PSD2: variants seen among roughly 807,000 people sequenced by gnomAD.
The protein encoded by PSD2 is pleckstrin and Sec7 domain containing 2.
Under a neutral mutation model 69.8 loss-of-function variants are expected in PSD2, and 38 were observed. The observed-to-expected ratio is 0.54, with a 90% confidence interval of 0.42 to 0.71. The LOEUF is 0.71. Ranked by LOEUF, PSD2 falls within the 30% of genes least tolerant of loss-of-function variation. The pLI is 0.00. For missense variants in PSD2, 943 were observed against 1,014.5 expected (o/e 0.93, Z 0.96); for synonymous variants, 412 against 423.0 (o/e 0.97, Z 0.32).
At chr5:139,811,135 C>T (rs1176622390) in intron 2 of PSD2, among the ~76,000 whole-genome samples, 1 of 152,200 alleles carries the variant, frequency 6.6e-6, no homozygotes. Flanking sequence ...CTTTCCTCTC[C>T]TTTCCTTCCA....
At chr5:139,755,674 C>T in the PSD2 span, among the ~76,000 whole-genome samples, 6 of 150,078 alleles carry the variant, frequency 4.0e-5, no homozygotes, top group Non-Finnish European at 7.4e-5. Flanking sequence ...TGTGCGCGCG[C>T]ATGAGGCTCC....
At chr5:139,792,059 A>G (rs1457203840), upstream of PSD2, among the ~76,000 whole-genome samples, 1 of 149,458 alleles carries the variant, frequency 6.7e-6, no homozygotes, top group African/African-American at 2.5e-5. Context: ...GAAATGGTTG[A>G]GGGGGAATGA....
the PSD2 span, among the ~76,000 whole-genome samples, chr5:139,746,892 G>A: frequency 6.6e-6 from 1 of 152,204 alleles, no homozygotes; most frequent in Non-Finnish European, 1.5e-5. This position sits in a 1 kb window ranked among gnomAD's most constrained non-coding sequence, Gnocchi z 4.5. Flanking sequence ...GTGCAGGAGT[G>A]AGGGTAGCCC....
the PSD2 span, among the ~76,000 whole-genome samples, chr5:139,763,319 T>C: frequency 6.6e-6 from 1 of 152,136 alleles, no homozygotes; most frequent in East Asian, 1.9e-4. Context: ...TTCACGTCAC[T>C]CTGAAGCATG....
intron 14 of PSD2, among the ~76,000 whole-genome samples, 189 bp from the exon 15 acceptor site, chr5:139,842,082 A>AT: frequency 6.6e-6 from 1 of 151,944 alleles, no homozygotes; most frequent in Non-Finnish European, 1.5e-5. Context: ...AATTATTTGG[A>AT]TTTTTCAAAT....
intron 7 of PSD2, among the ~76,000 whole-genome samples, chr5:139,829,096 G>C (rs56052927): frequency 0.02 from 3,090 of 152,244 alleles, 70 homozygotes; most frequent in African/African-American, 0.057. Flanking sequence ...TGATCTGGGT[G>C]CATGTCTTTT....
chr5:139,771,665 A>G, the PSD2 span, among the ~76,000 whole-genome samples: 1 of 152,092 alleles, frequency 6.6e-6, no homozygotes, highest in Non-Finnish European at 1.5e-5. Context: ...GTCTTGAGCC[A>G]CCGCGCCCCG....
the PSD2 span, among the ~76,000 whole-genome samples, chr5:139,751,386 C>T: frequency 6.6e-6 from 1 of 152,158 alleles, no homozygotes; most frequent in Non-Finnish European, 1.5e-5. Context: ...GCCCTAGGGG[C>T]ACAGCAGCCT....
the PSD2 span, among the ~76,000 whole-genome samples, chr5:139,784,881 A>G: frequency 6.6e-6 from 1 of 151,920 alleles, no homozygotes; most frequent in African/African-American, 2.4e-5. Flanking sequence ...CAGCCTCCTG[A>G]GTAGCTGGGA....
At chr5:139,752,473 C>T in the PSD2 span, among the ~76,000 whole-genome samples, 4 of 152,142 alleles carry the variant, frequency 2.6e-5, no homozygotes, top group Non-Finnish European at 5.9e-5. Flanking sequence ...TGCACATGGG[C>T]ACGAGGACAG....
the PSD2 span, among the ~76,000 whole-genome samples, chr5:139,764,401 C>T: frequency 2.0e-5 from 3 of 152,294 alleles, no homozygotes; most frequent in South Asian, 2.1e-4. Flanking sequence ...CATCCGTGTG[C>T]CCCTGGGAGT....
At chr5:139,781,612 GGTGT>G in the PSD2 span, among the ~76,000 whole-genome samples, 3 of 150,900 alleles carry the variant, frequency 2.0e-5, no homozygotes, top group Non-Finnish European at 4.4e-5. Context: ...TGGGATTACA[GGTGT>G]GAGCCACGGC....
At chr5:139,796,005 G>T (rs1225119416) in intron 1 of PSD2, 30 bp downstream of exon 1, 1 of 150,684 alleles carries the variant, frequency 6.6e-6, no homozygotes, top group Non-Finnish European at 1.5e-5. Flanking sequence ...TCCGGGACCC[G>T]CCCCTCCCCG....
At chr5:139,796,393 C>T (rs185158230) in intron 1 of PSD2, among the ~76,000 whole-genome samples, 2,445 of 152,286 alleles carry the variant, frequency 0.016, 74 homozygotes, top group African/African-American at 0.055. Flanking sequence ...GGGATCGGGG[C>T]ATTGGGTACC....
At chr5:139,761,668 G>A in the PSD2 span, among the ~76,000 whole-genome samples, 1 of 152,166 alleles carries the variant, frequency 6.6e-6, no homozygotes, top group Non-Finnish European at 1.5e-5. Flanking sequence ...TGCTTTCCAT[G>A]ACCCTTGCTT....
chr5:139,832,276 C>T (rs1760615414), intron 7 of PSD2, among the ~76,000 whole-genome samples: 1 of 152,238 alleles, frequency 6.6e-6, no homozygotes, highest in African/African-American at 2.4e-5. Flanking sequence ...AATGTACACA[C>T]ACAGCTATAT....
chr5:139,828,074 A>G (rs780466632), intron 7 of PSD2, among the ~76,000 whole-genome samples: 7 of 152,138 alleles, frequency 4.6e-5, no homozygotes, highest in Non-Finnish European at 1.0e-4. Context: ...CGGGTCAGCA[A>G]ATGAGCCTGG....
chr5:139,827,819 TG>T (rs1760466438), intron 7 of PSD2, among the ~76,000 whole-genome samples: 1 of 152,048 alleles, frequency 6.6e-6, no homozygotes, highest in Non-Finnish European at 1.5e-5. Flanking sequence ...GAGAACAGCG[TG>T]GGGGAACCAC....
intron 1 of PSD2, among the ~76,000 whole-genome samples, chr5:139,804,975 G>T (rs182876667): frequency 6.6e-6 from 1 of 150,950 alleles, no homozygotes; most frequent in Admixed American, 6.6e-5. Context: ...GCGTGTGTGC[G>T]TGCGTGTGTG....
Sources: gnomAD v4.1 joint callset for allele counts (sites outside exome capture counted in the v4.1 genomes callset) on GRCh38, gnomAD v4.1.1 for gene constraint, Gnocchi (gnomAD v3.1) non-coding constraint, MANE v1.5 for transcripts, NCBI Gene and HGNC (gene_info 2026-07-23, HGNC 2026-07-21) for gene names.